RGS7: variants seen among roughly 807,000 people sequenced by gnomAD.
RGS7 encodes the protein regulator of G protein signaling 7.
RGS7 carries 27 observed loss-of-function variants against 81.1 expected under a neutral mutation model. That is an observed-to-expected ratio of 0.33 (90% CI 0.25 to 0.46). RGS7 has a LOEUF of 0.46. Ranked by LOEUF, RGS7 falls within the 20% of genes least tolerant of loss-of-function variation. RGS7 has a pLI of 1.00. For missense variants in RGS7, 396 were observed against 607.4 expected (o/e 0.65, Z 3.66); for synonymous variants, 208 against 207.7 (o/e 1.00, Z -0.01).
At chr1:241,237,803 T>C (rs2076060920) in intron 2 of RGS7, among the ~76,000 whole-genome samples, 1 of 152,146 alleles carries the variant, frequency 6.6e-6, no homozygotes, top group Admixed American at 6.5e-5. Context: ...ACACCACCGT[T>C]CGAGTATAAT....
At chr1:241,296,352 G>A (rs1204531739) in intron 2 of RGS7, among the ~76,000 whole-genome samples, 1 of 152,152 alleles carries the variant, frequency 6.6e-6, no homozygotes, top group African/African-American at 2.4e-5. Flanking sequence ...ACCAACAAGA[G>A]AGTCACCCTT....
intron 3 of RGS7, among the ~76,000 whole-genome samples, chr1:240,984,195 A>C (rs1445357247): frequency 6.6e-6 from 1 of 152,204 alleles, no homozygotes; most frequent in Non-Finnish European, 1.5e-5. Flanking sequence ...CCCATAAGGA[A>C]AGCAGAGAAA....
chr1:240,888,876 G>A (rs1277217158), intron 6 of RGS7, among the ~76,000 whole-genome samples: 2 of 152,240 alleles, frequency 1.3e-5, no homozygotes, highest in South Asian at 2.1e-4. Context: ...GGCAGAGAGA[G>A]GGAAGCAGCG....
intron 6 of RGS7, among the ~76,000 whole-genome samples, chr1:240,903,554 C>T (rs1208230594): frequency 1.3e-5 from 2 of 151,900 alleles, no homozygotes; most frequent in African/African-American, 4.8e-5. Context: ...GTTGGCAGAA[C>T]TGGCCTAGTT....
At chr1:240,941,493 A>G (rs1328842100) in intron 4 of RGS7, among the ~76,000 whole-genome samples, 2 of 152,194 alleles carry the variant, frequency 1.3e-5, no homozygotes, top group Non-Finnish European at 2.9e-5. Flanking sequence ...TTGCTAAATC[A>G]ATGAACAAGG....
chr1:241,024,279 A>C (rs2059681393), intron 3 of RGS7, among the ~76,000 whole-genome samples: 1 of 152,192 alleles, frequency 6.6e-6, no homozygotes, highest in Non-Finnish European at 1.5e-5. Context: ...AATGGAGAGG[A>C]AGGAGGAAAA....
intron 3 of RGS7, among the ~76,000 whole-genome samples, chr1:241,017,736 G>T (rs2059335470): frequency 6.6e-6 from 1 of 152,100 alleles, no homozygotes; most frequent in Admixed American, 6.6e-5. Flanking sequence ...TTTTCTGCAA[G>T]ATTTTATCCT....
chr1:240,827,225 A>G, intron 9 of RGS7, 53 bp from the exon 10 acceptor site: 1 of 1,406,546 alleles, frequency 7.1e-7, no homozygotes, highest in Non-Finnish European at 1.0e-6. Flanking sequence ...GAAATTTCTG[A>G]CCAGGACAAT....
rs775686411 is a variant in RGS7 at position 240,863,219 on chromosome 1, A to G, written c.609+5368T>C. 2.8e-4 allele frequency among the ~76,000 whole-genome samples: 43 copies of G among 152,166 alleles called. 1 individual carries two copies. The highest frequency in any genetic ancestry group is 4.6e-4 in the Non-Finnish European group (31 of 68,038). The stretch of plus-strand genomic sequence containing the variant: ...CCGGGCACGGTGGCTCATGCCTATA[A>G]TCCCAGCACTTTGGGAGGCTGAGGC... On this transcript the variant is annotated intron_variant, in intron 9 of 18. Transcript: ENST00000440928.
chr1:241,052,473 G>A (rs1002474613), intron 3 of RGS7, among the ~76,000 whole-genome samples: 11 of 152,070 alleles, frequency 7.2e-5, no homozygotes, highest in Non-Finnish European at 1.5e-4. Context: ...CATGCACAGT[G>A]TCATGTACCT....
At chr1:240,920,797 T>C (rs567948196) in intron 6 of RGS7, among the ~76,000 whole-genome samples, 1 of 152,320 alleles carries the variant, frequency 6.6e-6, no homozygotes, top group East Asian at 1.9e-4. Flanking sequence ...TTGTGACTAA[T>C]TGTATGACAG....
intron 6 of RGS7, among the ~76,000 whole-genome samples, chr1:240,915,331 AT>A (rs1239336841): frequency 1.3e-5 from 2 of 152,110 alleles, no homozygotes; most frequent in African/African-American, 4.8e-5. Flanking sequence ...ACATGTGGAG[AT>A]CATGGCCCAG....
chr1:240,953,850 C>A, intron 4 of RGS7, among the ~76,000 whole-genome samples: 1 of 151,992 alleles, frequency 6.6e-6, no homozygotes, highest in East Asian at 1.9e-4. Context: ...ATTGACAAAT[C>A]TCTGCCCAGG....
At chr1:241,096,440 C>A (rs574957672) in intron 3 of RGS7, among the ~76,000 whole-genome samples, 2 of 151,956 alleles carry the variant, frequency 1.3e-5, no homozygotes, top group Non-Finnish European at 2.9e-5. Flanking sequence ...ACTAAATCCA[C>A]GACAAAGCAT....
At chr1:240,938,218 G>A (rs915403062) in intron 4 of RGS7, among the ~76,000 whole-genome samples, 3 of 152,170 alleles carry the variant, frequency 2.0e-5, no homozygotes, top group African/African-American at 7.2e-5. Flanking sequence ...TTGATCATGG[G>A]TGGTTGAATC....
intron 2 of RGS7, among the ~76,000 whole-genome samples, chr1:241,242,611 C>T (rs1276222047): frequency 6.6e-6 from 1 of 152,128 alleles, no homozygotes; most frequent in African/African-American, 2.4e-5. Context: ...AGAAGGTTTC[C>T]CTTTTTACCA....
chr1:241,106,323 C>T (rs2065092851), intron 2 of RGS7, among the ~76,000 whole-genome samples: 1 of 152,082 alleles, frequency 6.6e-6, no homozygotes, highest in African/African-American at 2.4e-5. Context: ...AAAAAACTGC[C>T]ATTTTCATGA....
rs1351442990 is a variant in RGS7 at position 241,271,921 on chromosome 1, GTGTGTGTGTGTA to G, written c.78+83766_78+83777del. On this transcript the variant is annotated intron_variant, in intron 2 of 18. Transcript: ENST00000440928. This position sits in a 1 kb window ranked among gnomAD's most constrained non-coding sequence, Gnocchi z 4.6. ...TGTGTGTGTGTGTGTGTGTGTGTGT[GTGTGTGTGTGTA>G]GACACACTATTGGTTCTGTTTCTCT... 1.5e-5 allele frequency among the ~76,000 whole-genome samples: 2 copies of G among 130,628 alleles called. No homozygotes were observed. Among genetic ancestry groups the G allele is most frequent in the African/African-American group, 5.3e-5 (2 of 37,868 alleles). 85.7% of individuals were successfully genotyped at this position (130,628 alleles called of 152,430 possible).
intron 9 of RGS7, among the ~76,000 whole-genome samples, chr1:240,846,457 C>T (rs1224886914): frequency 2.0e-5 from 3 of 152,132 alleles, no homozygotes; most frequent in Admixed American, 2.0e-4. Flanking sequence ...TGTTCTCTTC[C>T]TCCTGCTTAC....
Sources: gnomAD v4.1 joint callset for allele counts (sites outside exome capture counted in the v4.1 genomes callset) on GRCh38, gnomAD v4.1.1 for gene constraint, Gnocchi (gnomAD v3.1) non-coding constraint, MANE v1.5 for transcripts, NCBI Gene and HGNC (gene_info 2026-07-23, HGNC 2026-07-21) for gene names.